BRCA1: variants seen among roughly 807,000 people sequenced by gnomAD.
BRCA1 encodes BRCA1 DNA repair associated.
Under a neutral mutation model 173.7 loss-of-function variants are expected in BRCA1, and 140 were observed. The ratio of observed to expected loss-of-function variants is 0.81; its 90% CI spans 0.70 to 0.93. The LOEUF is 0.93. BRCA1 is among the 40% of genes least tolerant of loss of function. The probability of loss-of-function intolerance (pLI) is 0.00; values close to 1 mark genes in which losing one functional copy is unlikely to be tolerated. For synonymous variants in BRCA1, 662 were observed against 756.0 expected, an observed-to-expected ratio of 0.88 and a Z score of 2.04; for missense variants, 1,983 against 2,172.5, an observed-to-expected ratio of 0.91 and a Z score of 1.73.
intron 13 of BRCA1, 60 bp from the exon 14 acceptor site, chr17:43,074,581 C>G (rs1335701202): frequency 6.7e-7 from 1 of 1,494,566 alleles, no homozygotes; most frequent in Non-Finnish European, 9.3e-7. Context: ...ACAAATCATA[C>G]TTGCTGGGCA....
chr17:43,074,586 T>C (rs2154026405), intron 13 of BRCA1, 65 bp from the exon 14 acceptor site: 1 of 1,434,754 alleles, frequency 7.0e-7, no homozygotes, highest in Admixed American at 1.8e-5. Flanking sequence ...TCATACTTGC[T>C]GGGCAGCCAA....
intron 3 of BRCA1, among the ~76,000 whole-genome samples, chr17:43,112,164 A>T (rs1465632285): frequency 6.6e-6 from 1 of 151,516 alleles, no homozygotes; most frequent in Admixed American, 6.6e-5. Flanking sequence ...ATCTCAACTC[A>T]CTGCAGCCTC....
At chr17:43,131,259 G>T in intron 1 of BRCA1, 1 of 379,580 alleles carries the variant, frequency 2.6e-6, no homozygotes, top group Non-Finnish European at 5.7e-6. Context: ...CCTGGATGAG[G>T]AAGATGAAGA....
At chr17:43,168,398 G>A (rs768379125) in intron 1 of BRCA1, 6 of 271,142 alleles carry the variant, frequency 2.2e-5, no homozygotes, top group Admixed American at 5.2e-5. Context: ...AGCACTTAGG[G>A]AGGCCGAGGC....
At chr17:43,072,042 A>T (rs1480786587) in intron 14 of BRCA1, among the ~76,000 whole-genome samples, 1 of 151,492 alleles carries the variant, frequency 6.6e-6, no homozygotes, top group African/African-American at 2.4e-5. Flanking sequence ...ATAAATAAAT[A>T]AAAGTTTATG....
At chr17:43,104,059 AAAAAAAAAAAG>A (rs869087267) in intron 6 of BRCA1, 52 bp downstream of exon 6, 23 of 721,250 alleles carry the variant, frequency 3.2e-5, no homozygotes, top group African/African-American at 1.0e-4. Context: ...CTCCATCTCA[AAAAAAAAAAAG>A]AAAAAAAAAA....
intron 19 of BRCA1, among the ~76,000 whole-genome samples, chr17:43,051,996 G>A (rs1055424909): frequency 6.6e-6 from 1 of 152,098 alleles, no homozygotes; most frequent in Non-Finnish European, 1.5e-5. Context: ...CTCTGAGAAT[G>A]GCCATTGTAT....
intron 17 of BRCA1, 130 bp from the exon 18 acceptor site, chr17:43,063,503 C>T: frequency 1.3e-6 from 1 of 768,178 alleles, no homozygotes; most frequent in Non-Finnish European, 2.3e-6. Flanking sequence ...CCCTCTAAAG[C>T]CACAGCCCTT....
chr17:43,143,867 A>T (rs1268572717), intron 1 of BRCA1, among the ~76,000 whole-genome samples: 2 of 152,064 alleles, frequency 1.3e-5, no homozygotes, highest in Non-Finnish European at 2.9e-5. Context: ...TCTTGACCCT[A>T]TCCCTCCAGC....
chr17:43,100,984 G>C (rs1448480462), intron 6 of BRCA1, among the ~76,000 whole-genome samples: 4 of 151,482 alleles, frequency 2.6e-5, no homozygotes, highest in South Asian at 4.2e-4. Context: ...GCCTGCCTCG[G>C]CCTCCCAAAG....
Position 43,072,432 on chromosome 17 carries a change from C to T in BRCA1, c.4676-1194G>A, listed in dbSNP as rs914536160. ...ATATTTTTTTTTTTGAGAAGGGTCT[C>T]GGTCTGTCATCCAGGCTGCAGTGCA... On this transcript the variant is annotated intron_variant, in intron 14 of 22. Transcript: ENST00000357654. Among the ~76,000 whole-genome samples, 7 of 151,790 alleles carry T rather than the reference C, an allele frequency of 4.6e-5. No homozygotes were observed. The East Asian group carries it at 7.8e-4, about 17-fold the overall frequency.
intron 19 of BRCA1, among the ~76,000 whole-genome samples, chr17:43,051,909 A>G (rs965369427): frequency 2.0e-5 from 3 of 152,208 alleles, no homozygotes; most frequent in African/African-American, 7.2e-5. Flanking sequence ...TGCTGGGATT[A>G]CAGGCATAAG....
intron 11 of BRCA1, among the ~76,000 whole-genome samples, chr17:43,090,522 T>C (rs1395673786): frequency 6.6e-6 from 1 of 152,164 alleles, no homozygotes; most frequent in African/African-American, 2.4e-5. Flanking sequence ...TACAAGGCAT[T>C]GGCCACCACG....
chr17:43,065,481 T>C (rs2052026419), intron 16 of BRCA1, among the ~76,000 whole-genome samples: 3 of 152,124 alleles, frequency 2.0e-5, no homozygotes, highest in Admixed American at 2.0e-4. Context: ...CCAGCCTGAC[T>C]GACATGGAAA....
intron 6 of BRCA1, among the ~76,000 whole-genome samples, chr17:43,100,609 CATATATATAACATATATATATGTTAT>C (rs1567807237): frequency 1.5e-5 from 1 of 65,758 alleles, no homozygotes; most frequent in Non-Finnish European, 2.7e-5. Flanking sequence ...ATATATATAA[CATATATATAACATATATATATGTTAT>C]ATATATATAA....
intron 1 of BRCA1, chr17:43,168,229 G>A (rs2056280706): frequency 1.2e-5 from 5 of 421,816 alleles, no homozygotes; most frequent in South Asian, 1.8e-5. Context: ...CTTCTTCAAC[G>A]CAAACAGCAG....
At chr17:43,149,069 C>T (rs2056142425) in intron 1 of BRCA1, among the ~76,000 whole-genome samples, 1 of 152,006 alleles carries the variant, frequency 6.6e-6, no homozygotes, top group Non-Finnish European at 1.5e-5. Flanking sequence ...AACCAACACA[C>T]ATCCCCCCGC....
At position 43,091,813 on chromosome 17, in the gene BRCA1, G is replaced by A. The variant is rs80356903; in HGVS notation, c.3718C>T (p.Gln1240Ter). 1.2e-6 allele frequency: 2 copies of A among 1,614,192 alleles called. No homozygotes were observed. Among genetic ancestry groups the A allele is most frequent in the Non-Finnish European group, 1.7e-6 (2 of 1,180,034 alleles). Residue 1240 changes from glutamine to a stop codon, truncating the protein, a stop_gained, in exon 10 of 23, where the codon CAG (glutamine) becomes TAG (stop). Coordinates refer to ENST00000357654, the MANE Select transcript of BRCA1 (RefSeq NM_007294.4). LOFTEE classifies it high-confidence loss of function. ...GCAACGGTGCTATGCCTAGTAGACT[G>A]AGAAGGTATATTGTTTACTTTACCA... ...LFGKVNNIPS[Q>*]STRHSTVATE... is the part of the protein sequence containing the mutation.
chr17:43,098,016 T>C (rs2054208745), intron 7 of BRCA1, among the ~76,000 whole-genome samples: 2 of 150,430 alleles, frequency 1.3e-5, no homozygotes, highest in Admixed American at 1.3e-4. Context: ...GTTTGAATTC[T>C]GAGCTCAGCA....
Sources: gnomAD v4.1 joint callset for allele counts (sites outside exome capture counted in the v4.1 genomes callset) on GRCh38, gnomAD v4.1.1 for gene constraint, MANE v1.5 for transcripts, NCBI Gene and HGNC (gene_info 2026-07-23, HGNC 2026-07-21) for gene names.